The following PTPRM variants were observed in gnomAD, a reference collection of about 807,000 sequenced individuals.
PTPRM encodes the protein protein tyrosine phosphatase receptor type M.
PTPRM carries 47 observed loss-of-function variants against 186.7 expected under a neutral mutation model. The ratio of observed to expected loss-of-function variants is 0.25; its 90% CI spans 0.20 to 0.32. The LOEUF is 0.32. PTPRM is among the 10% of genes least tolerant of loss of function. The probability of loss-of-function intolerance (pLI) is 1.00; values close to 1 mark genes in which losing one functional copy is unlikely to be tolerated. For missense variants in PTPRM, 1,494 were observed against 1,865.0 expected (o/e 0.80, Z 3.66); for synonymous variants, 668 against 674.9 (o/e 0.99, Z 0.16).
chr18:8,247,127 A>C (rs1018548744), intron 15 of PTPRM, among the ~76,000 whole-genome samples: 2 of 152,158 alleles, frequency 1.3e-5, no homozygotes, highest in Non-Finnish European at 2.9e-5. Context: ...ACTTAAAAAA[A>C]TTATTCTATC....
intron 19 of PTPRM, among the ~76,000 whole-genome samples, chr18:8,257,590 A>C (rs1372339155): frequency 6.6e-6 from 1 of 152,222 alleles, no homozygotes. Flanking sequence ...ATCTCTATTC[A>C]AAAATGCCGT....
At chr18:8,317,094 G>T (rs2095313858) in intron 21 of PTPRM, among the ~76,000 whole-genome samples, 1 of 152,140 alleles carries the variant, frequency 6.6e-6, no homozygotes. Flanking sequence ...GTCGTTAGAG[G>T]TATCTGAGTA....
intron 11 of PTPRM, among the ~76,000 whole-genome samples, chr18:8,089,205 T>A (rs755143377): frequency 1.3e-5 from 2 of 152,216 alleles, no homozygotes; most frequent in African/African-American, 4.8e-5. Context: ...GTTCTTTGAA[T>A]GGATGTTTCG....
At chr18:8,136,516 C>G (rs1306318948) in intron 13 of PTPRM, among the ~76,000 whole-genome samples, 1 of 152,028 alleles carries the variant, frequency 6.6e-6, no homozygotes, top group East Asian at 1.9e-4. Context: ...ATCAAACAAT[C>G]CATTATCTCA....
chr18:8,348,925 C>A (rs2095519792), intron 23 of PTPRM, among the ~76,000 whole-genome samples: 1 of 152,138 alleles, frequency 6.6e-6, no homozygotes, highest in Non-Finnish European at 1.5e-5. Context: ...GAAGTGGGGA[C>A]CAGAGCTGTG....
chr18:8,267,877 A>G (rs1238048215), intron 19 of PTPRM, among the ~76,000 whole-genome samples: 2 of 152,164 alleles, frequency 1.3e-5, no homozygotes, highest in Non-Finnish European at 2.9e-5. Context: ...GAAGCTATAC[A>G]TGTCTTCATA....
intron 11 of PTPRM, among the ~76,000 whole-genome samples, chr18:8,112,252 G>A (rs971788715): frequency 6.6e-5 from 10 of 152,142 alleles, no homozygotes; most frequent in African/African-American, 1.2e-4. Context: ...AATTACCAAC[G>A]AAATGGCAGC....
At chr18:7,785,118 T>C (rs1041772599) in intron 2 of PTPRM, among the ~76,000 whole-genome samples, 4 of 152,050 alleles carry the variant, frequency 2.6e-5, no homozygotes, top group Non-Finnish European at 5.9e-5. Flanking sequence ...GACTGCCAAG[T>C]ACATGGAATG....
At chr18:8,145,799 A>G (rs2092870212) in intron 14 of PTPRM, among the ~76,000 whole-genome samples, 1 of 152,194 alleles carries the variant, frequency 6.6e-6, no homozygotes, top group South Asian at 2.1e-4. Flanking sequence ...ACATACCTAT[A>G]CATGTATCTT....
At chr18:7,907,452 A>G (rs1225865385) in intron 4 of PTPRM, among the ~76,000 whole-genome samples, 4 of 152,218 alleles carry the variant, frequency 2.6e-5, no homozygotes, top group Admixed American at 6.5e-5. Context: ...AGCAACCACT[A>G]TGGCAGGGGA....
intron 7 of PTPRM, among the ~76,000 whole-genome samples, chr18:8,037,740 G>T (rs1320124714): frequency 1.3e-5 from 2 of 151,948 alleles, no homozygotes; most frequent in Admixed American, 1.3e-4. Flanking sequence ...CTCTCTAAAG[G>T]CTGAGTGTGG....
At chr18:7,952,285 C>A (rs760635364) in intron 6 of PTPRM, among the ~76,000 whole-genome samples, 44 of 152,390 alleles carry the variant, frequency 2.9e-4, no homozygotes, top group Non-Finnish European at 5.0e-4. Flanking sequence ...GGTGTCCTTT[C>A]ACTTGAATTA....
chr18:7,831,772 C>A (rs958452546), intron 2 of PTPRM, among the ~76,000 whole-genome samples: 1 of 152,138 alleles, frequency 6.6e-6, no homozygotes, highest in African/African-American at 2.4e-5. Context: ...CCCTCCTAAC[C>A]CCGCATTACC....
chr18:8,360,083 A>G (rs756480285), intron 23 of PTPRM, among the ~76,000 whole-genome samples: 9 of 152,234 alleles, frequency 5.9e-5, no homozygotes, highest in Non-Finnish European at 1.3e-4. Context: ...AAAGAAACAG[A>G]AAAATCCAGT....
rs142730782 is a variant in PTPRM, at chr18:7,570,453, A to G, written c.73+2562A>G. 9.5e-3 allele frequency among the ~76,000 whole-genome samples: 1,450 copies of G among 152,324 alleles called. 27 individuals are homozygous for G. The highest frequency in any genetic ancestry group is 8.0e-3 in the Non-Finnish European group (547 of 68,030). On this transcript the variant is annotated intron_variant, in intron 1 of 32. Transcript: ENST00000580170. Reference sequence around the variant, plus strand: ...CGTTTTCTTCTGACTTTCTCACAAAACATTTCTCATAGATCCTTAGATGTC... The same window carrying G: ...CGTTTTCTTCTGACTTTCTCACAAAGCATTTCTCATAGATCCTTAGATGTC...
rs532153111 is a variant in PTPRM at position 7,625,782 on chromosome 18, G to A, written c.73+57891G>A. ...ACTCCTGATGTCAGGTGATCCGCCC[G>A]CCTCGGCCTCCCACAGTGCTGGGAT... On this transcript the variant is annotated intron_variant, in intron 1 of 32. Transcript: ENST00000580170. Among the ~76,000 whole-genome samples the A allele has an allele frequency of 8.5e-5, 13 of 152,316 alleles. No homozygotes were observed. The East Asian group carries it at 2.1e-3, about 25-fold the overall frequency.
chr18:7,692,535 G>A (rs974977897), intron 1 of PTPRM, among the ~76,000 whole-genome samples: 5 of 152,206 alleles, frequency 3.3e-5, no homozygotes, highest in African/African-American at 9.6e-5. Flanking sequence ...ATTAAAAAAT[G>A]TATTCCTTTA....
chr18:7,630,940 G>A (rs1317417324), intron 1 of PTPRM, among the ~76,000 whole-genome samples: 1 of 152,158 alleles, frequency 6.6e-6, no homozygotes, highest in Non-Finnish European at 1.5e-5. Flanking sequence ...GGACCCTTAG[G>A]TTGGGTTGGC....
At chr18:8,232,740 T>C (rs1228047546) in intron 14 of PTPRM, among the ~76,000 whole-genome samples, 1 of 151,918 alleles carries the variant, frequency 6.6e-6, no homozygotes. Flanking sequence ...TTTGTGAAGC[T>C]CCCCACGACC....
Sources: allele counts gnomAD v4.1 joint callset (sites outside exome capture counted in the v4.1 genomes callset), GRCh38; gene constraint gnomAD v4.1.1; transcripts MANE v1.5; gene names NCBI Gene and HGNC (gene_info 2026-07-23, HGNC 2026-07-21).